The following ZPBP variants were observed in gnomAD, a reference collection of about 807,000 sequenced individuals.
ZPBP encodes the protein zona pellucida-binding protein 1.
Under a neutral mutation model 44.8 loss-of-function variants are expected in ZPBP, and 26 were observed. That is an observed-to-expected ratio of 0.58 (90% CI 0.43 to 0.81). ZPBP has a LOEUF of 0.81. Among genes scored for constraint, ZPBP ranks in the 30% least tolerant of loss-of-function variants. ZPBP has a pLI of 0.00. For missense variants in ZPBP, 409 were observed against 434.0 expected, an observed-to-expected ratio of 0.94 and a Z score of 0.51; for synonymous variants, 174 against 153.2, an observed-to-expected ratio of 1.14 and a Z score of -1.00.
At chr7:50,082,443 C>T (rs934921964) in intron 2 of ZPBP, among the ~76,000 whole-genome samples, 1 of 151,672 alleles carries the variant, frequency 6.6e-6, no homozygotes, top group Non-Finnish European at 1.5e-5. Context: ...AAATTTAAAT[C>T]CTGATAAGTA....
intron 7 of ZPBP, chr7:49,943,075 GC>G: frequency 2.9e-6 from 1 of 340,256 alleles, no homozygotes. Context: ...AAGGAATCCA[GC>G]CCTCTCAGCC....
At chr7:50,080,009 C>T (rs747674275) in intron 3 of ZPBP, among the ~76,000 whole-genome samples, 16 of 151,652 alleles carry the variant, frequency 1.1e-4, no homozygotes, top group Non-Finnish European at 1.9e-4. Context: ...TTTCATAACA[C>T]ATCTAAACAA....
intron 2 of ZPBP, among the ~76,000 whole-genome samples, chr7:49,876,102 TAATCCTAAAGAAAG>T (rs1240431263): frequency 6.6e-6 from 1 of 152,202 alleles, no homozygotes; most frequent in Non-Finnish European, 1.5e-5. Context: ...TTCTGGAAGC[TAATCCTAAAGAAAG>T]GATCCAAAAT....
At chr7:50,033,996 C>T (rs1799718852) in intron 4 of ZPBP, among the ~76,000 whole-genome samples, 1 of 151,904 alleles carries the variant, frequency 6.6e-6, no homozygotes, top group African/African-American at 2.4e-5. Flanking sequence ...CCCGGCCTTG[C>T]TACAGTTTAT....
At chr7:50,078,448 A>C (rs930753757) in intron 3 of ZPBP, among the ~76,000 whole-genome samples, 3 of 151,630 alleles carry the variant, frequency 2.0e-5, no homozygotes, top group African/African-American at 7.2e-5. Flanking sequence ...TGGATACCCC[A>C]TTCTCCATGA....
chr7:50,070,893 G>GA (rs973438008), intron 3 of ZPBP, among the ~76,000 whole-genome samples: 3 of 152,178 alleles, frequency 2.0e-5, no homozygotes, highest in African/African-American at 7.2e-5. Context: ...TGCACAGCTA[G>GA]AAAAACAGGG....
At chr7:49,993,556 G>A (rs1269000924) in intron 6 of ZPBP, among the ~76,000 whole-genome samples, 1 of 152,094 alleles carries the variant, frequency 6.6e-6, no homozygotes, top group Non-Finnish European at 1.5e-5. Flanking sequence ...ACAATAAATT[G>A]TAAAATAAAA....
downstream of ZPBP, among the ~76,000 whole-genome samples, chr7:49,845,745 C>A (rs992800199): frequency 5.3e-5 from 8 of 152,176 alleles, no homozygotes; most frequent in African/African-American, 1.9e-4. Flanking sequence ...CTTCCCAGTA[C>A]AAAACAGACA....
chr7:49,869,481 T>C (rs1791043742), intron 2 of ZPBP, among the ~76,000 whole-genome samples: 1 of 152,236 alleles, frequency 6.6e-6, no homozygotes, highest in Non-Finnish European at 1.5e-5. Context: ...TTATCTTGTA[T>C]ATTACAAAAG....
At chr7:50,049,548 G>A (rs893457335) in intron 4 of ZPBP, among the ~76,000 whole-genome samples, 25 of 151,468 alleles carry the variant, frequency 1.7e-4, no homozygotes, top group Admixed American at 2.6e-4. Flanking sequence ...AATGAAGTAC[G>A]AAATAAAAAA....
At chr7:49,844,850 G>A in the ZPBP span, among the ~76,000 whole-genome samples, 1 of 151,908 alleles carries the variant, frequency 6.6e-6, no homozygotes, top group Non-Finnish European at 1.5e-5. Context: ...CCGCCACTAC[G>A]TCCAACTAAA....
At chr7:49,948,844 G>A (rs1397064563) in intron 7 of ZPBP, among the ~76,000 whole-genome samples, 2 of 152,128 alleles carry the variant, frequency 1.3e-5, no homozygotes, top group African/African-American at 4.8e-5. Flanking sequence ...ATTGCCATAT[G>A]AATCAGCAAT....
chr7:49,915,327 GA>G (rs768312783), intron 1 of ZPBP: 1 of 152,188 alleles, frequency 6.6e-6, no homozygotes, highest in Non-Finnish European at 1.5e-5. Context: ...TGTAAGCCTT[GA>G]AACTAATTTA....
intron 7 of ZPBP, among the ~76,000 whole-genome samples, chr7:49,945,641 T>C (rs983936683): frequency 1.2e-4 from 19 of 152,088 alleles, no homozygotes; most frequent in Non-Finnish European, 2.5e-4. Flanking sequence ...ATTTTTTTTT[T>C]CCTGATATAA....
At chr7:50,000,347 TTAAA>T (rs1798038881) in intron 6 of ZPBP, among the ~76,000 whole-genome samples, 1 of 152,160 alleles carries the variant, frequency 6.6e-6, no homozygotes, top group Non-Finnish European at 1.5e-5. Context: ...CCAGGGTCAA[TTAAA>T]TACTCTGAAA....
chr7:50,023,896 G>A (rs1250948264), intron 5 of ZPBP, among the ~76,000 whole-genome samples: 3 of 151,870 alleles, frequency 2.0e-5, no homozygotes, highest in Non-Finnish European at 4.4e-5. Flanking sequence ...GGGGCTGGGG[G>A]AAAGAATTAA....
chr7:50,076,707 T>C (rs1379422174), intron 3 of ZPBP, among the ~76,000 whole-genome samples: 1 of 151,482 alleles, frequency 6.6e-6, no homozygotes, highest in African/African-American at 2.4e-5. Context: ...AAGATCTCTA[T>C]AATGAAAACT....
chr7:50,069,026 T>A (rs531543636), intron 3 of ZPBP, among the ~76,000 whole-genome samples: 2 of 152,330 alleles, frequency 1.3e-5, no homozygotes, highest in East Asian at 3.9e-4. Flanking sequence ...GGGGTCCTCT[T>A]GTCCTCTTAA....
rs1790844375 is a variant in ZPBP at position 49,865,486 on chromosome 7, CTGA to C, written n.510-14975_510-14973del. On this transcript the variant is annotated intron_variant and non_coding_transcript_variant, in intron 2 of 2. Coordinates refer to the ZPBP transcript ENST00000465922. ...ATTTAGTTCTTGCTTTTGTAAGTGG[CTGA>C]TATGTCTGGGCTGGTGTGGTCTCTG... Among the ~76,000 whole-genome samples, 3 of 152,308 alleles carry C rather than the reference CTGA, an allele frequency of 2.0e-5. No homozygotes were observed. The South Asian group carries it at 6.2e-4, about 32-fold the overall frequency.
Sources: gnomAD v4.1 joint callset for allele counts (sites outside exome capture counted in the v4.1 genomes callset) on GRCh38, gnomAD v4.1.1 for gene constraint, MANE v1.5 for transcripts, NCBI Gene and HGNC (gene_info 2026-07-23, HGNC 2026-07-21) for gene names.